The following OR51E2 variants were observed in gnomAD, a reference collection of about 807,000 sequenced individuals.
The protein encoded by OR51E2 is olfactory receptor 51E2.
Under a neutral mutation model 13.7 loss-of-function variants are expected in OR51E2, and 14 were observed. The ratio of observed to expected loss-of-function variants is 1.02; its 90% CI spans 0.68 to 1.60. The LOEUF is 1.60. Ranked by LOEUF, OR51E2 falls within the 40% of genes most tolerant of loss-of-function variation. The pLI, the probability that OR51E2 is intolerant of heterozygous loss-of-function variation, is 0.00. For missense variants in OR51E2, 483 were observed against 413.8 expected, an observed-to-expected ratio of 1.17 and a Z score of -1.45; for synonymous variants, 180 against 157.6, an observed-to-expected ratio of 1.14 and a Z score of -1.07.
Position 4,681,827 on chromosome 11 carries a change from G to T in OR51E2, c.885C>A (p.Thr295=). 3.7e-6 allele frequency: 6 copies of T among 1,614,202 alleles called. No individual in the cohort carries two copies. Among genetic ancestry groups the T allele is most frequent in the Non-Finnish European group, 4.2e-6 (5 of 1,180,036 alleles). ...VINPIIYGAK[T]KQIRTRVLAM... Reference sequence around the variant, plus strand: ...CCAGCACCCGTGTTCTGATCTGTTTGGTTTTGGCACCATAGATGATGGGAT... The same window carrying T: ...CCAGCACCCGTGTTCTGATCTGTTTTGTTTTGGCACCATAGATGATGGGAT... The change falls in exon 2 of 2, where the codon ACC becomes ACA. Residue 295 remains threonine, a synonymous_variant. Coordinates refer to ENST00000396950, the MANE Select transcript of OR51E2 (RefSeq NM_030774.4).
In OR51E2 at chr11:4,681,682, A is replaced by C. The variant is rs1299394881; in HGVS notation, c.*67T>G. ...GATGTGCTTATGGGCAACTGGAAAT[A>C]AGCTAGTGTTAGAAATAATTATGTT... is the stretch of plus-strand genomic sequence containing the variant. On this transcript the variant is annotated 3_prime_UTR_variant, in exon 2 of 2. Coordinates refer to ENST00000396950, the MANE Select transcript of OR51E2 (RefSeq NM_030774.4). The C allele has an allele frequency of 6.4e-6, 10 of 1,570,138 alleles. No individual in the cohort carries two copies. Among genetic ancestry groups the C allele is most frequent in the Middle Eastern group, 1.7e-4 (1 of 5,922 alleles).
chr11:4,696,836 T>C (rs1847661713), intron 1 of OR51E2, among the ~76,000 whole-genome samples: 1 of 152,200 alleles, frequency 6.6e-6, no homozygotes, highest in Non-Finnish European at 1.5e-5. Context: ...CTAGACCTTA[T>C]AGTGTCATCA....
In OR51E2 at chr11:4,682,700, G is replaced by T; in HGVS notation, c.12C>A (p.Cys4Ter). The change falls in exon 2 of 2, where the codon TGC becomes TGA. Residue 4 changes from cysteine (C) to a stop codon, truncating the protein, a stop_gained. Coordinates refer to ENST00000396950, the MANE Select transcript of OR51E2 (RefSeq NM_030774.4). LOFTEE classifies it high-confidence loss of function. ...GCACAAAGGTGGCATGTGTGAAGTT[G>T]CAGGAACTCATAGCTGGAACTGAGG... MSS[C>*]NFTHATFVLI... 1 of 1,613,342 alleles carries T rather than the reference G, an allele frequency of 6.2e-7. No homozygotes were observed.
In OR51E2 at chr11:4,682,622, G is replaced by T. The variant is rs766162202; in HGVS notation, c.90C>A (p.Leu30=). ...ACATTGCCACTACATACATGGAAAG[G>T]AGGGGGAAGCCAACCCAGAAATGGG... ...EKAHFWVGFP[L]LSMYVVAMFG... is the part of the protein sequence containing the mutation. The change falls in exon 2 of 2, where the codon CTC becomes CTA. Residue 30 remains leucine (L), a synonymous_variant. Coordinates refer to ENST00000396950, the MANE Select transcript of OR51E2 (RefSeq NM_030774.4). The T allele has an allele frequency of 3.1e-6, 5 of 1,614,216 alleles. No individual in the cohort carries two copies. The highest frequency in any genetic ancestry group is 4.2e-6 in the Non-Finnish European group (5 of 1,180,042).
At chr11:4,690,324 A>G (rs1268505674) in intron 1 of OR51E2, 1 of 152,776 alleles carries the variant, frequency 6.5e-6, no homozygotes, top group Non-Finnish European at 1.5e-5. Context: ...GACTTGTCAG[A>G]GCAAATAATA....
chr11:4,683,639 T>C (rs897333435), intron 1 of OR51E2, among the ~76,000 whole-genome samples: 7 of 152,238 alleles, frequency 4.6e-5, no homozygotes, highest in Non-Finnish European at 1.0e-4. Context: ...GTCCTTACTT[T>C]GGAGAAGTAT....
chr11:4,689,911 T>C (rs898618277), intron 1 of OR51E2, among the ~76,000 whole-genome samples: 1 of 150,766 alleles, frequency 6.6e-6, no homozygotes, highest in Non-Finnish European at 1.5e-5. Context: ...TTTTAATTAA[T>C]TTTTTTACTT....
chr11:4,696,057 G>T (rs964273469), intron 1 of OR51E2, among the ~76,000 whole-genome samples: 1 of 152,122 alleles, frequency 6.6e-6, no homozygotes, highest in African/African-American at 2.4e-5. Flanking sequence ...AAGCGTAAAG[G>T]TAGTAATGAG....
intron 1 of OR51E2, among the ~76,000 whole-genome samples, chr11:4,692,801 C>T (rs892117385): frequency 1.4e-5 from 2 of 147,764 alleles, no homozygotes; most frequent in African/African-American, 5.0e-5. Context: ...CAGACTCACA[C>T]ATTCACCCTG....
At chr11:4,687,431 T>A (rs938763731) in intron 1 of OR51E2, among the ~76,000 whole-genome samples, 3 of 152,094 alleles carry the variant, frequency 2.0e-5, no homozygotes, top group East Asian at 1.9e-4. Flanking sequence ...GTATACTAGG[T>A]CATATGAAAA....
In OR51E2 at chr11:4,682,217, C is replaced by T; in HGVS notation, c.495G>A (p.Leu165=). 1 of 1,614,144 alleles carries T rather than the reference C, an allele frequency of 6.2e-7. No individual in the cohort carries two copies. Among genetic ancestry groups the T allele is most frequent in the Non-Finnish European group, 8.5e-7 (1 of 1,180,020 alleles). Residue 165 remains leucine, a synonymous_variant, in exon 2 of 2, where the codon CTG becomes CTA. Coordinates refer to ENST00000396950, the MANE Select transcript of OR51E2 (RefSeq NM_030774.4). ...AGAGGACATTGGAGTGGCAGAAGGCCAGCCGCTTGATCAGCAGAGGCAGTG... is the reference window on the plus strand; with the variant it reads ...AGAGGACATTGGAGTGGCAGAAGGCTAGCCGCTTGATCAGCAGAGGCAGTG... The part of the protein sequence containing the change: ...FFPLPLLIKR[L]AFCHSNVLSH...
intron 1 of OR51E2, among the ~76,000 whole-genome samples, chr11:4,697,275 C>G (rs1164344005): frequency 1.3e-5 from 2 of 152,184 alleles, no homozygotes; most frequent in African/African-American, 2.4e-5. Flanking sequence ...CCAGTTTCCT[C>G]ATCTATAAGA....
Position 4,681,642 on chromosome 11 carries a change from C to T in OR51E2, c.*107G>A. 1.5e-6 allele frequency: 2 copies of T among 1,291,806 alleles called. No homozygotes were observed. The highest frequency in any genetic ancestry group is 2.7e-5 in the South Asian group (2 of 73,104). The allele number at this position is 1,291,806 out of a possible 1,614,324, so 80.0% of individuals were successfully genotyped here. A position where few individuals can be genotyped will look rare whatever the true frequency, so the allele number is the denominator to read the frequency against. ...ACCATACTTTAGTTTACTATTCCAG[C>T]CAGAGAAAAGTACTGATGTGCTTAT... On this transcript the variant is annotated 3_prime_UTR_variant, in exon 2 of 2. Coordinates refer to ENST00000396950, the MANE Select transcript of OR51E2 (RefSeq NM_030774.4).
chr11:4,683,391 T>A (rs1329421474), intron 1 of OR51E2, among the ~76,000 whole-genome samples: 1 of 152,162 alleles, frequency 6.6e-6, no homozygotes, highest in Non-Finnish European at 1.5e-5. Context: ...AGCACAGCAA[T>A]GACACTTTTT....
chr11:4,691,482 C>A (rs1162711884), intron 1 of OR51E2: 2 of 455,872 alleles, frequency 4.4e-6, no homozygotes, highest in African/African-American at 4.0e-5. Context: ...TATGGACAGG[C>A]CGAGGTCAGT....
intron 1 of OR51E2, among the ~76,000 whole-genome samples, chr11:4,694,575 T>TACACACAC (rs71050422): frequency 4.1e-5 from 6 of 147,954 alleles, no homozygotes; most frequent in African/African-American, 1.2e-4. Context: ...CATATATATA[T>TACACACAC]ACACACACAC....
chr11:4,682,517 A>C lies in OR51E2; in HGVS notation c.195T>G (p.Leu65=). 1 of 1,614,222 alleles carries C rather than the reference A, an allele frequency of 6.2e-7. No homozygotes were observed. Among genetic ancestry groups the C allele is most frequent in the Non-Finnish European group, 8.5e-7 (1 of 1,180,034 alleles). ...HAPMYLFLCM[L]AAIDLALSTS... ...TGGATAAGGCCAGGTCAATGGCTGC[A>C]AGCATGCAGAGAAAGAGGTACATCG... Residue 65 remains leucine (L), a synonymous_variant, in exon 2 of 2, where the codon CTT becomes CTG. Transcript: ENST00000396950.
chr11:4,694,076 C>A (rs1277620848), intron 1 of OR51E2, among the ~76,000 whole-genome samples: 1 of 152,114 alleles, frequency 6.6e-6, no homozygotes, highest in African/African-American at 2.4e-5. Context: ...TGTTGTAGGA[C>A]ATTTTATGTA....
intron 1 of OR51E2, among the ~76,000 whole-genome samples, chr11:4,692,566 C>T (rs1044920376): frequency 6.6e-6 from 1 of 152,110 alleles, no homozygotes; most frequent in Non-Finnish European, 1.5e-5. Context: ...CATCACATTT[C>T]TTTTTTCATA....
Sources: allele counts gnomAD v4.1 joint callset (sites outside exome capture counted in the v4.1 genomes callset), GRCh38; gene constraint gnomAD v4.1.1; transcripts MANE v1.5; gene names NCBI Gene and HGNC (gene_info 2026-07-23, HGNC 2026-07-21).